The following C17orf114 variants were observed in gnomAD, a reference collection of about 807,000 sequenced individuals.
C17orf114 encodes the protein chromosome 17 open reading frame 114.
chr17:4,804,980 T>C (rs1905610261), upstream of C17orf114, among the ~76,000 whole-genome samples: 1 of 152,214 alleles, frequency 6.6e-6, no homozygotes, highest in Non-Finnish European at 1.5e-5. Context: ...ACCAAGTGTA[T>C]GCTCCTATGC....
At chr17:4,803,779 T>C (rs1350396492), upstream of C17orf114, among the ~76,000 whole-genome samples, 3 of 151,288 alleles carry the variant, frequency 2.0e-5, no homozygotes, top group African/African-American at 4.9e-5. Flanking sequence ...TGGATTACAG[T>C]GGTGCAATCT....
upstream of C17orf114, among the ~76,000 whole-genome samples, chr17:4,802,755 T>C (rs1905544015): frequency 6.6e-6 from 1 of 152,210 alleles, no homozygotes; most frequent in South Asian, 2.1e-4. Flanking sequence ...TACTCTATTT[T>C]TTTAGAATAA....
upstream of C17orf114, among the ~76,000 whole-genome samples, chr17:4,805,125 T>C (rs537404593): frequency 2.0e-5 from 3 of 152,290 alleles, no homozygotes; most frequent in East Asian, 5.8e-4. Context: ...CTATAGGTTG[T>C]TTTTGCCTGT....
intron 1 of C17orf114, 87 bp from the exon 2 acceptor site, chr17:4,801,542 AG>A (rs1905507856): frequency 2.7e-6 from 1 of 372,328 alleles, no homozygotes; most frequent in Non-Finnish European, 4.7e-6. Context: ...GGAAGAAGCA[AG>A]GGAAGACACC....
chr17:4,801,788 T>C (rs928228989), intron 1 of C17orf114, among the ~76,000 whole-genome samples: 2 of 151,796 alleles, frequency 1.3e-5, no homozygotes, highest in African/African-American at 4.8e-5. Flanking sequence ...TGGAGTACAA[T>C]GGCACTATTT....
chr17:4,801,750 T>C (rs982809923), intron 1 of C17orf114, among the ~76,000 whole-genome samples: 40 of 151,808 alleles, frequency 2.6e-4, no homozygotes, highest in Admixed American at 2.0e-4. Flanking sequence ...TTTTTTTTTT[T>C]GAGACAGTCT....
exon 1 of C17orf114, chr17:4,802,307 C>G (rs1031200554): frequency 2.5e-6 from 1 of 399,224 alleles, no homozygotes; most frequent in African/African-American, 2.1e-5. Flanking sequence ...CACCATGCCC[C>G]CTTCAGACCC....
At chr17:4,805,196 G>A (rs1419801914), upstream of C17orf114, among the ~76,000 whole-genome samples, 1 of 150,242 alleles carries the variant, frequency 6.7e-6, no homozygotes, top group African/African-American at 2.5e-5. Flanking sequence ...TTTAGGCCAA[G>A]GAGGGCGGAT....
At chr17:4,805,252 A>AC (rs1239524963), upstream of C17orf114, among the ~76,000 whole-genome samples, 1 of 150,784 alleles carries the variant, frequency 6.6e-6, no homozygotes, top group Non-Finnish European at 1.5e-5. Context: ...ACATGGAGGA[A>AC]CCCCGTCTCT....
exon 2 of C17orf114, chr17:4,801,417 T>G: frequency 2.5e-6 from 1 of 398,804 alleles, no homozygotes. Flanking sequence ...GTGGGGGCTA[T>G]AGCTGGACTG....
upstream of C17orf114, among the ~76,000 whole-genome samples, chr17:4,803,069 A>G (rs1329395542): frequency 2.0e-5 from 3 of 152,040 alleles, no homozygotes; most frequent in African/African-American, 7.2e-5. Context: ...GGCGTACACC[A>G]CCATGCCCAG....
chr17:4,801,891 C>A (rs11656129), intron 1 of C17orf114, among the ~76,000 whole-genome samples: 1 of 151,916 alleles, frequency 6.6e-6, no homozygotes, highest in Non-Finnish European at 1.5e-5. Context: ...CCACCACACC[C>A]GGCTAATTTT....
At chr17:4,803,416 A>ATTTTTTTTTTTTTTTTTTTTTTTT (rs34116712), upstream of C17orf114, among the ~76,000 whole-genome samples, 1 of 75,450 alleles carries the variant, frequency 1.3e-5, no homozygotes, top group Non-Finnish European at 2.3e-5. Flanking sequence ...GTTTTTTTTA[A>ATTTTTTTTTTTTTTTTTTTTTTTT]TTTTTTTTTT....
At chr17:4,806,899 G>A (rs1905876841), upstream of C17orf114, 1 of 149,340 alleles carries the variant, frequency 6.7e-6, no homozygotes, top group Non-Finnish European at 1.5e-5. Context: ...CGACGGCGCG[G>A]GACGCCCCGA....
chr17:4,802,920 A>C (rs899988897), upstream of C17orf114, among the ~76,000 whole-genome samples: 1 of 152,106 alleles, frequency 6.6e-6, no homozygotes, highest in East Asian at 1.9e-4. Context: ...AATCACGTCA[A>C]AGATCTTTTT....
upstream of C17orf114, among the ~76,000 whole-genome samples, chr17:4,804,839 C>T (rs142493557): frequency 2.4e-3 from 358 of 152,018 alleles, 2 homozygotes; most frequent in Admixed American, 4.2e-3. Flanking sequence ...CCGCCTCGGC[C>T]TCCCAAAGTG....
At chr17:4,806,292 A>T (rs1171599815), upstream of C17orf114, among the ~76,000 whole-genome samples, 1 of 152,224 alleles carries the variant, frequency 6.6e-6, no homozygotes, top group African/African-American at 2.4e-5. Flanking sequence ...TAAGTTAAAC[A>T]CACACTGATA....
upstream of C17orf114, among the ~76,000 whole-genome samples, chr17:4,805,631 G>A (rs1318148263): frequency 1.3e-5 from 2 of 150,684 alleles, no homozygotes; most frequent in African/African-American, 2.4e-5. Flanking sequence ...CCGAGATCAC[G>A]CCACTGCAGT....
At chr17:4,802,267 C>T (rs948622811) in exon 1 of C17orf114, 3 of 399,876 alleles carry the variant, frequency 7.5e-6, no homozygotes, top group South Asian at 1.3e-4. Context: ...TTCAGTCCCC[C>T]GCTGCCTCCG....
Sources: allele counts gnomAD v4.1 joint callset (sites outside exome capture counted in the v4.1 genomes callset), GRCh38; gene constraint gnomAD v4.1.1; transcripts MANE v1.5; gene names NCBI Gene and HGNC (gene_info 2026-07-23, HGNC 2026-07-21).